The following SEMA3A variants were observed in gnomAD, a reference collection of about 807,000 sequenced individuals.
SEMA3A encodes the protein semaphorin 3A.
SEMA3A carries 29 observed loss-of-function variants against 97.9 expected under a neutral mutation model. The ratio of observed to expected loss-of-function variants is 0.30; its 90% CI spans 0.22 to 0.40. The LOEUF is 0.40. Ranked by LOEUF, SEMA3A falls within the 10% of genes least tolerant of loss-of-function variation. The probability of loss-of-function intolerance (pLI) is 1.00; values close to 1 mark genes in which losing one functional copy is unlikely to be tolerated. For missense variants in SEMA3A, 763 were observed against 951.3 expected (o/e 0.80, Z 2.60); for synonymous variants, 321 against 323.7 (o/e 0.99, Z 0.09).
intron 1 of SEMA3A, among the ~76,000 whole-genome samples, chr7:84,158,575 G>A (rs1445585333): frequency 2.6e-5 from 4 of 152,058 alleles, no homozygotes; most frequent in Admixed American, 6.5e-5. Context: ...CTCTATATAC[G>A]TACTTTTCCC....
rs1477106165 is a variant in SEMA3A, at chr7:83,955,903, T to G, written c.*5468A>C. On this transcript the variant is annotated 3_prime_UTR_variant, in exon 17 of 17. Coordinates refer to ENST00000265362, the MANE Select transcript of SEMA3A (RefSeq NM_006080.3). ...ACATGAACACATCTATAAAAACTTT[T>G]GCTTAGGTCCTATATAAATAAACAT... 1.3e-5 allele frequency: 2 copies of G among 152,190 alleles called. No homozygotes were observed. The highest frequency in any genetic ancestry group is 4.8e-5 in the African/African-American group (2 of 41,452). The allele number at this position is 152,190 out of a possible 1,614,324, so 9.4% of individuals were successfully genotyped here.
At chr7:84,143,950 A>AACAC (rs796470836) in intron 1 of SEMA3A, among the ~76,000 whole-genome samples, 1,602 of 94,544 alleles carry the variant, frequency 0.017, 28 homozygotes, top group South Asian at 0.037. Context: ...CTCTCTCTCT[A>AACAC]ACACACACAC....
At chr7:84,360,158 A>T (rs994470447) in intron 2 of SEMA3A, among the ~76,000 whole-genome samples, 1 of 151,760 alleles carries the variant, frequency 6.6e-6, no homozygotes, top group African/African-American at 2.4e-5. Context: ...CTCTGATCTT[A>T]GTTATTTTCT....
chr7:84,328,506 T>C (rs377223946), intron 2 of SEMA3A, among the ~76,000 whole-genome samples: 2 of 152,046 alleles, frequency 1.3e-5, no homozygotes, highest in Non-Finnish European at 2.9e-5. Flanking sequence ...GAGAAAAATA[T>C]CTTTGAAAAA....
chr7:84,178,992 A>G (rs1206081125), intron 1 of SEMA3A, among the ~76,000 whole-genome samples: 2 of 152,044 alleles, frequency 1.3e-5, no homozygotes, highest in African/African-American at 4.8e-5. Context: ...TCCTACTTCA[A>G]ATATTTCTTT....
intron 1 of SEMA3A, among the ~76,000 whole-genome samples, chr7:84,177,422 G>A (rs1207511709): frequency 4.6e-5 from 7 of 151,902 alleles, no homozygotes; most frequent in African/African-American, 1.7e-4. Context: ...GTTAAACAAG[G>A]TAAAACACTC....
At chr7:84,083,256 A>C (rs1463965752) in intron 4 of SEMA3A, among the ~76,000 whole-genome samples, 1 of 148,876 alleles carries the variant, frequency 6.7e-6, no homozygotes, top group Non-Finnish European at 1.5e-5. Context: ...ATATACTGTT[A>C]TTATATCAAA....
intron 1 of SEMA3A, among the ~76,000 whole-genome samples, chr7:84,471,451 T>C (rs1409780402): frequency 6.6e-6 from 1 of 152,118 alleles, no homozygotes; most frequent in Non-Finnish European, 1.5e-5. Context: ...TTTAATGAAA[T>C]GTTGGAAATG....
At chr7:84,484,463 A>C (rs1460388006) in intron 1 of SEMA3A, among the ~76,000 whole-genome samples, 4 of 152,056 alleles carry the variant, frequency 2.6e-5, no homozygotes, top group Non-Finnish European at 5.9e-5. Context: ...AATTTAACAA[A>C]CCTATCACTG....
intron 2 of SEMA3A, among the ~76,000 whole-genome samples, chr7:84,367,247 T>C (rs1003046102): frequency 6.6e-6 from 1 of 151,318 alleles, no homozygotes; most frequent in Non-Finnish European, 1.5e-5. Flanking sequence ...CACAATGTAG[T>C]TTAATTACTT....
At chr7:84,312,560 T>A (rs551452427) in intron 2 of SEMA3A, among the ~76,000 whole-genome samples, 3 of 151,632 alleles carry the variant, frequency 2.0e-5, no homozygotes, top group East Asian at 3.9e-4. Context: ...ATATGTATTT[T>A]ATAATATATA....
chr7:84,237,052 C>T (rs111604099), intron 3 of SEMA3A, among the ~76,000 whole-genome samples: 11,678 of 151,932 alleles, frequency 0.077, 1,533 homozygotes, highest in African/African-American at 0.27. Flanking sequence ...AAATTTAAAA[C>T]GACCAAATAA....
chr7:84,066,496 C>A (rs965355832), intron 4 of SEMA3A, among the ~76,000 whole-genome samples: 1 of 146,268 alleles, frequency 6.8e-6, no homozygotes, highest in Non-Finnish European at 1.5e-5. Flanking sequence ...TGTTTGCAGA[C>A]GACATGATCG....
intron 15 of SEMA3A, among the ~76,000 whole-genome samples, chr7:83,964,648 T>G (rs1217890492): frequency 1.3e-5 from 2 of 152,212 alleles, no homozygotes; most frequent in Non-Finnish European, 2.9e-5. Context: ...TGCCTGTTTC[T>G]CAAATGCCCT....
At chr7:84,113,179 A>T (rs1197395948) in intron 3 of SEMA3A, among the ~76,000 whole-genome samples, 2 of 152,238 alleles carry the variant, frequency 1.3e-5, no homozygotes, top group Non-Finnish European at 2.9e-5. Context: ...TTGGTTAAAA[A>T]TAGTTGAGAG....
intron 3 of SEMA3A, among the ~76,000 whole-genome samples, chr7:84,258,004 T>C (rs1329894937): frequency 1.3e-5 from 2 of 152,184 alleles, no homozygotes; most frequent in Non-Finnish European, 2.9e-5. Flanking sequence ...AATACTCATG[T>C]GACATATCTA....
At chr7:84,440,328 T>G (rs141091982) in intron 1 of SEMA3A, among the ~76,000 whole-genome samples, 1 of 152,266 alleles carries the variant, frequency 6.6e-6, no homozygotes, top group East Asian at 1.9e-4. Context: ...CAGCACCATA[T>G]CAAGCAGCTG....
At chr7:84,443,455 A>T (rs1805323276) in intron 1 of SEMA3A, among the ~76,000 whole-genome samples, 1 of 151,944 alleles carries the variant, frequency 6.6e-6, no homozygotes, top group Non-Finnish European at 1.5e-5. Flanking sequence ...TTAAATTGAC[A>T]TTTTTTTTAC....
At chr7:84,231,635 T>C (rs1158343097) in intron 3 of SEMA3A, among the ~76,000 whole-genome samples, 2 of 151,946 alleles carry the variant, frequency 1.3e-5, no homozygotes, top group African/African-American at 4.8e-5. Context: ...GCTGCTGATG[T>C]GGTACAGTGA....
Sources: gnomAD v4.1 joint callset for allele counts (sites outside exome capture counted in the v4.1 genomes callset) on GRCh38, gnomAD v4.1.1 for gene constraint, MANE v1.5 for transcripts, NCBI Gene and HGNC (gene_info 2026-07-23, HGNC 2026-07-21) for gene names.